ERP44: variants seen among roughly 807,000 people sequenced by gnomAD.
ERP44 encodes the protein endoplasmic reticulum protein 44, also known as endoplasmic reticulum resident protein 44.
In ERP44, 25 loss-of-function variants were observed where a neutral mutation model predicts 53.4. The ratio of observed to expected loss-of-function variants is 0.47; its 90% CI spans 0.34 to 0.65. The LOEUF is 0.65. Among genes scored for constraint, ERP44 ranks in the 30% least tolerant of loss-of-function variants. ERP44 has a pLI of 0.01. For synonymous variants in ERP44, 145 were observed against 161.2 expected (o/e 0.90, Z 0.76); for missense variants, 338 against 493.2 (o/e 0.69, Z 2.98).
chr9:100,014,706 G>A (rs1439331944), intron 8 of ERP44, among the ~76,000 whole-genome samples: 1 of 152,190 alleles, frequency 6.6e-6, no homozygotes, highest in Non-Finnish European at 1.5e-5. Flanking sequence ...TTTACATATT[G>A]TCTAAGGTTA....
intron 4 of ERP44, among the ~76,000 whole-genome samples, chr9:100,051,130 G>T (rs978635601): frequency 6.6e-6 from 1 of 152,190 alleles, no homozygotes; most frequent in Middle Eastern, 3.2e-3. Flanking sequence ...ATCTAGTTAT[G>T]AATTTCAGCA....
At chr9:99,983,551 C>CAAAAA (rs59132233) in intron 11 of ERP44, among the ~76,000 whole-genome samples, 1,869 of 63,002 alleles carry the variant, frequency 0.03, no homozygotes, top group East Asian at 0.036. Flanking sequence ...GACTCCGTCT[C>CAAAAA]AAAAAAAAAA....
intron 1 of ERP44, among the ~76,000 whole-genome samples, chr9:100,067,582 G>A (rs549503067): frequency 1.3e-5 from 2 of 152,342 alleles, no homozygotes; most frequent in South Asian, 4.1e-4. Flanking sequence ...CTCCCAAAGT[G>A]CTGAGATTGC....
chr9:99,991,509 A>G (rs1830254209), intron 10 of ERP44, among the ~76,000 whole-genome samples: 1 of 152,240 alleles, frequency 6.6e-6, no homozygotes, highest in Non-Finnish European at 1.5e-5. Flanking sequence ...GGAAACATTT[A>G]AAGCAGTCCG....
intron 4 of ERP44, among the ~76,000 whole-genome samples, chr9:100,040,980 ACAT>A (rs1414356900): frequency 6.6e-6 from 1 of 152,154 alleles, no homozygotes; most frequent in African/African-American, 2.4e-5. Context: ...TAATTATAAA[ACAT>A]CGATGGAAGA....
rs565068051 is a variant in ERP44, at chr9:100,071,201, C to G, written c.58-11029G>C. ...CCTCCACCTCCTGGGCTCTAGCAATCCTCCCACCTCAGCCTCCCAAGTAGC... is the reference window on the plus strand; with the variant it reads ...CCTCCACCTCCTGGGCTCTAGCAATGCTCCCACCTCAGCCTCCCAAGTAGC... On this transcript the variant is annotated intron_variant, in intron 1 of 11. Transcript: ENST00000262455. Among the ~76,000 whole-genome samples, 9 of 148,438 alleles carry G rather than the reference C, an allele frequency of 6.1e-5. 1 individual carries two copies. The South Asian group carries it at 2.0e-3, about 32-fold the overall frequency.
intron 4 of ERP44, among the ~76,000 whole-genome samples, chr9:100,029,726 TA>T (rs891818236): frequency 1.3e-5 from 2 of 152,184 alleles, no homozygotes; most frequent in African/African-American, 2.4e-5. Context: ...CCACCGTGTT[TA>T]CTGCAGCACT....
intron 4 of ERP44, among the ~76,000 whole-genome samples, chr9:100,049,164 C>T (rs997365017): frequency 6.6e-6 from 1 of 152,148 alleles, no homozygotes; most frequent in Non-Finnish European, 1.5e-5. Flanking sequence ...AATCCCAGCA[C>T]TTTCAGAAGC....
At chr9:100,088,609 T>G (rs1244146272) in intron 1 of ERP44, among the ~76,000 whole-genome samples, 2 of 152,216 alleles carry the variant, frequency 1.3e-5, no homozygotes, top group Non-Finnish European at 2.9e-5. Flanking sequence ...GATCTAAGAA[T>G]GAGAAAAGGG....
chr9:100,015,490 T>C (rs987988464), intron 8 of ERP44, among the ~76,000 whole-genome samples: 3 of 152,194 alleles, frequency 2.0e-5, no homozygotes, highest in African/African-American at 7.2e-5. Context: ...GTTGTAAGAA[T>C]TTCGATGGGC....
chr9:100,070,521 G>A (rs1400346104), intron 1 of ERP44, among the ~76,000 whole-genome samples: 2 of 152,132 alleles, frequency 1.3e-5, no homozygotes, highest in African/African-American at 4.8e-5. Flanking sequence ...TTTTGCCTGG[G>A]TTTTCATGAA....
rs766755938 is a variant in ERP44 at position 100,060,112 on chromosome 9, C to T, written c.118G>A (p.Asp40Asn). Residue 40 changes from aspartate to asparagine, a missense_variant, in exon 2 of 12, where the codon GAT (aspartate) becomes AAT (asparagine). Asp to Asn is a conservative substitution (Grantham distance 23). Coordinates refer to ENST00000262455, the MANE Select transcript of ERP44 (RefSeq NM_015051.3). ...TTGAGGTACTTACTTAAAATTTCAT[C>T]TATATTCTCTGTATCAAGACTTGTT... ...EITSLDTENI[D>N]EILNNADVAL... The T allele has an allele frequency of 4.7e-6, 7 of 1,476,156 alleles. No homozygotes were observed. Among genetic ancestry groups the T allele is most frequent in the Admixed American group, 2.6e-5 (1 of 38,856 alleles). The allele number at this position is 1,476,156 out of a possible 1,614,324, so 91.4% of individuals were successfully genotyped here. A position where few individuals can be genotyped will look rare whatever the true frequency, so the allele number is the denominator to read the frequency against.
chr9:100,039,421 C>T (rs1165579987), intron 4 of ERP44, among the ~76,000 whole-genome samples: 1 of 152,056 alleles, frequency 6.6e-6, no homozygotes, highest in East Asian at 1.9e-4. Flanking sequence ...AATTAATATG[C>T]TCCTGAATGA....
At chr9:100,013,665 G>A (rs1409392654) in intron 8 of ERP44, among the ~76,000 whole-genome samples, 1 of 152,156 alleles carries the variant, frequency 6.6e-6, no homozygotes, top group African/African-American at 2.4e-5. Flanking sequence ...GGGTAAGGAC[G>A]TGGAGCAATG....
chr9:100,065,719 CA>C (rs1826203833), intron 1 of ERP44, among the ~76,000 whole-genome samples: 1 of 152,074 alleles, frequency 6.6e-6, no homozygotes, highest in Non-Finnish European at 1.5e-5. Flanking sequence ...ACTTCTTGTA[CA>C]GTGCTATAAT....
chr9:100,094,863 T>G lies in ERP44; in HGVS notation c.57+3921A>C, dbSNP rs542211392. ...CCTGTAGTCCCAGAGTCCCAGCTAT[T>G]CAGGAGGCTGAGGTGAAAGGATTGC... On this transcript the variant is annotated intron_variant, in intron 1 of 11. Transcript: ENST00000262455. Among the ~76,000 whole-genome samples, 11 of 151,408 alleles carry G rather than the reference T, an allele frequency of 7.3e-5. No individual in the cohort carries two copies. In the South Asian group the frequency reaches 2.3e-3, roughly 32 times the overall value.
chr9:100,051,950 T>A (rs1826043304), intron 4 of ERP44, among the ~76,000 whole-genome samples: 1 of 152,152 alleles, frequency 6.6e-6, no homozygotes, highest in African/African-American at 2.4e-5. Context: ...ACCAGAATCT[T>A]TTCAAAACAG....
chr9:100,022,841 G>C (rs369212713), intron 4 of ERP44, among the ~76,000 whole-genome samples: 45 of 152,140 alleles, frequency 3.0e-4, no homozygotes, highest in African/African-American at 9.4e-4. Context: ...GCTCTCAGAA[G>C]GGGGGCTGGA....
intron 4 of ERP44, among the ~76,000 whole-genome samples, chr9:100,023,244 A>C (rs1830613563): frequency 6.6e-6 from 1 of 152,060 alleles, no homozygotes; most frequent in Admixed American, 6.5e-5. Context: ...GCAAGGATTT[A>C]ATGAGATTAA....
Sources: gnomAD v4.1 joint callset for allele counts (sites outside exome capture counted in the v4.1 genomes callset) on GRCh38, gnomAD v4.1.1 for gene constraint, MANE v1.5 for transcripts, NCBI Gene and HGNC (gene_info 2026-07-23, HGNC 2026-07-21) for gene names.